DCAF12L2: variants seen among roughly 807,000 people sequenced by gnomAD.
The protein encoded by DCAF12L2 is DDB1 and CUL4 associated factor 12 like 2, also known as DDB1- and CUL4-associated factor 12-like protein 2.
Under a neutral mutation model 20.2 loss-of-function variants are expected in DCAF12L2, and 16 were observed. That is an observed-to-expected ratio of 0.79 (90% confidence interval 0.54 to 1.20). The LOEUF is 1.20. Among genes scored for constraint, DCAF12L2 ranks in the 50% most tolerant of loss-of-function variants. The pLI, the probability that DCAF12L2 is intolerant of heterozygous loss-of-function variation, is 0.00. For synonymous variants in DCAF12L2, 195 were observed against 190.0 expected (o/e 1.03, Z -0.22); for missense variants, 355 against 404.8 (o/e 0.88, Z 1.06).
Position 126,164,322 on chromosome X carries a change from T to G in DCAF12L2, c.*211A>C. The G allele has an allele frequency of 2.4e-6, 1 of 415,661 alleles. No homozygotes were observed. The allele number at this position is 415,661 out of a possible 1,213,427, so 34.3% of individuals were successfully genotyped here. A position where few individuals can be genotyped will look rare whatever the true frequency, so the allele number is the denominator to read the frequency against. ...GTGAATGAGAGTTTTAAAGCCAAAGTTTTGACTGCCGAAAGGACCACTTGT... is the reference window on the plus strand; with the variant it reads ...GTGAATGAGAGTTTTAAAGCCAAAGGTTTGACTGCCGAAAGGACCACTTGT... On this transcript the variant is annotated 3_prime_UTR_variant, in exon 1 of 1. Coordinates refer to ENST00000360028, the MANE Select transcript of DCAF12L2 (RefSeq NM_001013628.3).
At position 126,164,977 on chromosome X, in the gene DCAF12L2, A is replaced by G. The variant is rs376277472; in HGVS notation, c.948T>C (p.Asp316=). ...AGCCCACAGCGTACAGGGACAACTC[A>G]TCACAGTAGGTCAGGCACACATTCT... The part of the protein sequence containing the change: ...CRENVCLTYC[D]ELSLYAVGSQ... Residue 316 remains aspartate, a synonymous_variant, in exon 1 of 1, where the codon GAT becomes GAC. Coordinates refer to ENST00000360028, the MANE Select transcript of DCAF12L2 (RefSeq NM_001013628.3). The G allele has an allele frequency of 8.3e-7, 1 of 1,211,058 alleles. No individual in the cohort carries two copies. Among genetic ancestry groups the G allele is most frequent in the African/African-American group, 1.7e-5 (1 of 57,599 alleles).
In DCAF12L2 at chrX:126,165,564, A is replaced by T. The variant is rs1927815513; in HGVS notation, c.361T>A (p.Phe121Ile). The T allele has an allele frequency of 8.3e-7, 1 of 1,211,208 alleles. No individual in the cohort carries two copies. Among genetic ancestry groups the T allele is most frequent in the African/African-American group, 1.7e-5 (1 of 57,593 alleles). Residue 121 changes from phenylalanine to isoleucine, a missense_variant, in exon 1 of 1, where the codon TTT (phenylalanine) becomes ATT (isoleucine). Transcript: ENST00000360028. ...VVCGTKCNTL[F>I]VVDVQSGHIT... ...TGGCCTGACTGCACGTCCACCACAA[A>T]CAGCGTATTACACTTGGTGCCGCAC...
Position 126,164,699 on chromosome X carries a change from C to A in DCAF12L2, c.1226G>T (p.Gly409Val). Residue 409 changes from glycine (G) to valine (V), a missense_variant, in exon 1 of 1, where the codon GGC (glycine) becomes GTC (valine). Transcript: ENST00000360028. ...GRKLKLACGR[G>V]WLNQDDVWVN... is the part of the protein sequence containing the mutation. ...CCAGACGTCATCTTGGTTGAGCCAG[C>A]CTCTGCCGCAGGCAAGCTTGAGCTT... 8.2e-7 allele frequency: 1 copy of A among 1,212,402 alleles called. No homozygotes were observed. The highest frequency in any genetic ancestry group is 1.7e-5 in the African/African-American group (1 of 57,978).
Position 126,164,550 on chromosome X carries a change from C to T in DCAF12L2, c.1375G>A (p.Ala459Thr), listed in dbSNP as rs2147243648. Residue 459 changes from alanine to threonine, a missense_variant, in exon 1 of 1, where the codon GCA (alanine) becomes ACA (threonine). Ala to Thr is a moderately conservative substitution (Grantham distance 58). Coordinates refer to ENST00000360028, the MANE Select transcript of DCAF12L2 (RefSeq NM_001013628.3). ...PLPSGLHGNYAGLWS is the reference protein window; with the variant it reads ...PLPSGLHGNYTGLWS Reference sequence around the variant, plus strand: ...GTCCATCCTTAACTCCAGAGGCCTGCGTAGTTCCCATGGAGGCCTGAAGGG... The same window carrying T: ...GTCCATCCTTAACTCCAGAGGCCTGTGTAGTTCCCATGGAGGCCTGAAGGG... 1 of 1,208,902 alleles carries T rather than the reference C, an allele frequency of 8.3e-7. No homozygotes were observed. Among genetic ancestry groups the T allele is most frequent in the South Asian group, 1.8e-5 (1 of 56,498 alleles).
In DCAF12L2 at chrX:126,165,301, A is replaced by T; in HGVS notation, c.624T>A (p.Ala208=). Residue 208 remains alanine, a synonymous_variant, in exon 1 of 1, where the codon GCT becomes GCA. Transcript: ENST00000360028. ...FAVAWLSDTV[A]VSGSRDGTVA... Reference sequence around the variant, plus strand: ...CGGTGCCGTCGCGGGAGCCGCTCACAGCTACGGTGTCACTCAGCCAGGCGA... The same window carrying T: ...CGGTGCCGTCGCGGGAGCCGCTCACTGCTACGGTGTCACTCAGCCAGGCGA... The T allele has an allele frequency of 8.2e-7, 1 of 1,212,471 alleles. No individual in the cohort carries two copies. The highest frequency in any genetic ancestry group is 1.1e-6 in the Non-Finnish European group (1 of 895,613).
Position 126,166,105 on chromosome X carries a change from C to A in DCAF12L2, c.-181G>T, listed in dbSNP as rs1410686074. On this transcript the variant is annotated 5_prime_UTR_variant, in exon 1 of 1. Coordinates refer to ENST00000360028, the MANE Select transcript of DCAF12L2 (RefSeq NM_001013628.3). ...ACCAAGAAGCTGGTGCGATCGCGGG[C>A]GCCCAGACTTCAGTCTGAGGCTCGG... 6 of 468,772 alleles carry A rather than the reference C, an allele frequency of 1.3e-5. No individual in the cohort carries two copies. The highest frequency in any genetic ancestry group is 9.3e-5 in the Admixed American group (1 of 10,784). The allele number at this position is 468,772 out of a possible 1,213,427, so 38.6% of individuals were successfully genotyped here.
In DCAF12L2 at chrX:126,165,726, C is replaced by G. The variant is rs772529065; in HGVS notation, c.199G>C (p.Gly67Arg). The G allele has an allele frequency of 7.4e-6, 9 of 1,210,038 alleles. No individual in the cohort carries two copies. In the South Asian group the frequency reaches 1.4e-4, roughly 19 times the overall value. ...AGCTCGCCCTCGAAGCCCTGGAGCC[C>G]GGCTGGGCCCCGCGCTCCTACCTCC... ...GREVGARGPA[G>R]LQGFEGELRG... The change falls in exon 1 of 1, where the codon GGG becomes CGG. Residue 67 changes from glycine (G) to arginine (R), a missense_variant. Gly to Arg is a moderately radical substitution (Grantham distance 125). Transcript: ENST00000360028.
Position 126,164,870 on chromosome X carries a change from C to T in DCAF12L2, c.1055G>A (p.Gly352Asp), listed in dbSNP as rs1198262101. 2.5e-6 allele frequency: 3 copies of T among 1,212,300 alleles called. No individual in the cohort carries two copies. Among genetic ancestry groups the T allele is most frequent in the Non-Finnish European group, 3.3e-6 (3 of 895,617 alleles). ...CTGGTAGAAGCTCAGCGACCGCACG[C>T]CTGTGCCACCCTCTCGAGAGCACAG... ...RPLCSREGGTGVRSLSFYQHI... is the reference protein window; with the variant it reads ...RPLCSREGGTDVRSLSFYQHI... The change falls in exon 1 of 1, where the codon GGC becomes GAC. Residue 352 changes from glycine to aspartate, a missense_variant. Gly to Asp is a moderately conservative substitution (Grantham distance 94). Coordinates refer to ENST00000360028, the MANE Select transcript of DCAF12L2 (RefSeq NM_001013628.3).
At position 126,164,575 on chromosome X, in the gene DCAF12L2, G is replaced by A; in HGVS notation, c.1350C>T (p.Leu450=). The A allele has an allele frequency of 8.3e-7, 1 of 1,211,915 alleles. No homozygotes were observed. Among genetic ancestry groups the A allele is most frequent in the Non-Finnish European group, 1.1e-6 (1 of 895,428 alleles). Residue 450 remains leucine (L), a synonymous_variant, in exon 1 of 1, where the codon CTC becomes CTT. Transcript: ENST00000360028. The part of the protein sequence containing the change: ...EMKLFVAGGP[L]PSGLHGNYAG... The stretch of plus-strand genomic sequence containing the variant: ...CGTAGTTCCCATGGAGGCCTGAAGG[G>A]AGAGGCCCCCCAGCCACAAAGAGCT...
At position 126,165,603 on chromosome X, in the gene DCAF12L2, C is replaced by CA. The variant is rs1465286910; in HGVS notation, c.321_322insT (p.Ala108CysfsTer11). ...TTGGTGCCGCACACCACCTGCCTGG[C>CA]GTTCAGCCACTGTGACGCGAACACC... On this transcript the variant is annotated frameshift_variant, in exon 1 of 1. Coordinates refer to ENST00000360028, the MANE Select transcript of DCAF12L2 (RefSeq NM_001013628.3). LOFTEE classifies it high-confidence loss of function. 4.1e-6 allele frequency: 5 copies of CA among 1,211,214 alleles called. No individual in the cohort carries two copies. Among genetic ancestry groups the CA allele is most frequent in the Non-Finnish European group, 5.6e-6 (5 of 895,365 alleles).
rs758462929 is a variant in DCAF12L2, at chrX:126,163,939, A to G, written c.*594T>C. ...ACAAACAACAGACATTGAGTTTCCAACATCCAAATGAATCACGCCCTAGAA... is the reference window on the plus strand; with the variant it reads ...ACAAACAACAGACATTGAGTTTCCAGCATCCAAATGAATCACGCCCTAGAA... On this transcript the variant is annotated 3_prime_UTR_variant, in exon 1 of 1. Transcript: ENST00000360028. 5.3e-5 allele frequency: 6 copies of G among 112,372 alleles called. No homozygotes were observed. Among genetic ancestry groups the G allele is most frequent in the African/African-American group, 1.9e-4 (6 of 30,870 alleles). The allele number at this position is 112,372 out of a possible 1,213,427, so 9.3% of individuals were successfully genotyped here.
Position 126,164,999 on chromosome X carries a change from T to G in DCAF12L2, c.926A>C (p.Asn309Thr), listed in dbSNP as rs1360778347. 8.3e-7 allele frequency: 1 copy of G among 1,212,023 alleles called. No individual in the cohort carries two copies. The highest frequency in any genetic ancestry group is 1.8e-5 in the South Asian group (1 of 57,015). The change falls in exon 1 of 1, where the codon AAT becomes ACT. Residue 309 changes from asparagine to threonine, a missense_variant. By Grantham distance (65) the Asn-to-Thr change is moderately conservative (BLOSUM62 0). Coordinates refer to ENST00000360028, the MANE Select transcript of DCAF12L2 (RefSeq NM_001013628.3). ...LSIRLPYCRE[N>T]VCLTYCDELS... The stretch of plus-strand genomic sequence containing the variant: ...CTCATCACAGTAGGTCAGGCACACA[T>G]TCTCTCGGCAGTAGGGCAGCCTGAT...
chrX:126,164,865 G>A lies in DCAF12L2; in HGVS notation c.1060C>T (p.Arg354Trp), dbSNP rs1254668948. 6 of 1,211,127 alleles carry A rather than the reference G, an allele frequency of 5.0e-6. No homozygotes were observed. Among genetic ancestry groups the A allele is most frequent in the Middle Eastern group, 2.3e-4 (1 of 4,376 alleles). Residue 354 changes from arginine to tryptophan, a missense_variant, in exon 1 of 1, where the codon CGG becomes TGG. Arg to Trp is a moderately radical substitution (Grantham distance 101). Transcript: ENST00000360028. ...LCSREGGTGVRSLSFYQHIIT... is the reference protein window; with the variant it reads ...LCSREGGTGVWSLSFYQHIIT... ...ATGTGCTGGTAGAAGCTCAGCGACCGCACGCCTGTGCCACCCTCTCGAGAG... is the reference window on the plus strand; with the variant it reads ...ATGTGCTGGTAGAAGCTCAGCGACCACACGCCTGTGCCACCCTCTCGAGAG...
Position 126,165,256 on chromosome X carries a change from G to A in DCAF12L2, c.669C>T (p.Asp223=). 1 of 1,211,153 alleles carries A rather than the reference G, an allele frequency of 8.3e-7. No homozygotes were observed. The highest frequency in any genetic ancestry group is 2.3e-4 in the Middle Eastern group (1 of 4,351). ...CAATGCTGCCATTAAACATGTCTGGGTCCATCCGCCACAGAGCCACGGTGC... is the reference window on the plus strand; with the variant it reads ...CAATGCTGCCATTAAACATGTCTGGATCCATCCGCCACAGAGCCACGGTGC... ...RDGTVALWRM[D]PDMFNGSIAW... Residue 223 remains aspartate (D), a synonymous_variant, in exon 1 of 1, where the codon GAC becomes GAT. Coordinates refer to ENST00000360028, the MANE Select transcript of DCAF12L2 (RefSeq NM_001013628.3).
Position 126,165,869 on chromosome X carries a change from C to G in DCAF12L2, c.56G>C (p.Gly19Ala), listed in dbSNP as rs1163740673. 8.3e-7 allele frequency: 1 copy of G among 1,206,031 alleles called. No individual in the cohort carries two copies. The highest frequency in any genetic ancestry group is 1.8e-5 in the South Asian group (1 of 56,956). The change falls in exon 1 of 1, where the codon GGA becomes GCA. Residue 19 changes from glycine to alanine, a missense_variant. Gly to Ala is a moderately conservative substitution (Grantham distance 60, BLOSUM62 0). Transcript: ENST00000360028. ...ACCCTGCGACGACGAGCTCCCGGCTCCCGCCTCGACCGCGGGCGCTTTCCG... is the reference window on the plus strand; with the variant it reads ...ACCCTGCGACGACGAGCTCCCGGCTGCCGCCTCGACCGCGGGCGCTTTCCG... Reference protein sequence around the residue: ...RKRKAPAVEAGAGSSSSQGLA... With the variant: ...RKRKAPAVEAAAGSSSSQGLA...
At position 126,164,793 on chromosome X, in the gene DCAF12L2, G is replaced by C. The variant is rs1191000126; in HGVS notation, c.1132C>G (p.Arg378Gly). 1 of 1,211,319 alleles carries C rather than the reference G, an allele frequency of 8.3e-7. No homozygotes were observed. The highest frequency in any genetic ancestry group is 1.1e-6 in the Non-Finnish European group (1 of 895,462). Residue 378 changes from arginine (R) to glycine (G), a missense_variant, in exon 1 of 1, where the codon CGC becomes GGC. Physicochemically the swap from Arg to Gly is moderately radical, Grantham distance 125. Coordinates refer to ENST00000360028, the MANE Select transcript of DCAF12L2 (RefSeq NM_001013628.3). ...GHGSLLFYDI[R>G]AQKFLEERAS... ...CTCTCCTCCAGGAACTTCTGGGCGC[G>C]GATGTCATAGAAGAGCAGGGAACCA...
At position 126,163,512 on chromosome X, in the gene DCAF12L2, G is replaced by T. The variant is rs1302424658; in HGVS notation, c.*1021C>A. 8.9e-6 allele frequency: 1 copy of T among 111,895 alleles called. No individual in the cohort carries two copies. Among genetic ancestry groups the T allele is most frequent in the East Asian group, 2.8e-4 (1 of 3,568 alleles). The allele number at this position is 111,895 out of a possible 1,213,427, so 9.2% of individuals were successfully genotyped here. A position where few individuals can be genotyped will look rare whatever the true frequency, so the allele number is the denominator to read the frequency against. ...TCTGCCACTTAATTGCTAAGATGAT[G>T]AACACATTTTATTTATTTTTCTGCA... On this transcript the variant is annotated 3_prime_UTR_variant, in exon 1 of 1. Transcript: ENST00000360028.
At position 126,164,209 on chromosome X, in the gene DCAF12L2, T is replaced by G; in HGVS notation, c.*324A>C. The G allele has an allele frequency of 3.9e-6, 1 of 255,835 alleles. No individual in the cohort carries two copies. Among genetic ancestry groups the G allele is most frequent in the Non-Finnish European group, 6.9e-6 (1 of 144,878 alleles). 21.1% of individuals were successfully genotyped at this position (255,835 alleles called of 1,213,427 possible). On this transcript the variant is annotated 3_prime_UTR_variant, in exon 1 of 1. Coordinates refer to ENST00000360028, the MANE Select transcript of DCAF12L2 (RefSeq NM_001013628.3). ...ACTACATCAACCTAAAGAAGGAGGG[T>G]ATGTGAATCACTGAAAGACAGAACA...
chrX:126,165,004 T>C lies in DCAF12L2; in HGVS notation c.921A>G (p.Arg307=). ...CACAGTAGGTCAGGCACACATTCTC[T>C]CGGCAGTAGGGCAGCCTGATGGACA... ...RLLSIRLPYC[R]ENVCLTYCDE... Residue 307 remains arginine, a synonymous_variant, in exon 1 of 1, where the codon CGA becomes CGG. Transcript: ENST00000360028. 2.5e-6 allele frequency: 3 copies of C among 1,212,110 alleles called. No homozygotes were observed. The highest frequency in any genetic ancestry group is 1.1e-6 in the Non-Finnish European group (1 of 895,586).
Sources: gnomAD v4.1 joint callset for allele counts on GRCh38, gnomAD v4.1.1 for gene constraint, MANE v1.5 for transcripts, NCBI Gene and HGNC (gene_info 2026-07-23, HGNC 2026-07-21) for gene names.